The following NMNAT3 variants were observed in gnomAD, a reference collection of about 807,000 sequenced individuals.
NMNAT3 encodes nicotinamide nucleotide adenylyltransferase 3, also known as nicotinamide/nicotinic acid mononucleotide adenylyltransferase 3.
A neutral mutation model predicts 24.8 loss-of-function variants in NMNAT3; 21 were observed. That is an observed-to-expected ratio of 0.85 (90% CI 0.60 to 1.22). The LOEUF (loss-of-function observed/expected upper bound fraction) is 1.22. Among genes scored for constraint, NMNAT3 ranks in the 50% most tolerant of loss-of-function variants. The pLI, the probability that NMNAT3 is intolerant of heterozygous loss-of-function variation, is 0.00. For synonymous variants in NMNAT3, 136 were observed against 155.2 expected, an observed-to-expected ratio of 0.88 and a Z score of 0.92; for missense variants, 387 against 436.6, an observed-to-expected ratio of 0.89 and a Z score of 1.01.
intron 3 of NMNAT3, among the ~76,000 whole-genome samples, chr3:139,591,387 C>T (rs1461225557): frequency 1.3e-5 from 2 of 151,614 alleles, no homozygotes; most frequent in Non-Finnish European, 3.0e-5. Flanking sequence ...CAACGAGGCT[C>T]GGGAAGGGGC....
intron 1 of NMNAT3, among the ~76,000 whole-genome samples, 165 bp downstream of exon 1, chr3:139,677,540 G>C (rs2057971913): frequency 6.6e-6 from 1 of 152,208 alleles, no homozygotes; most frequent in South Asian, 2.1e-4. Context: ...GCGCGGAGCT[G>C]TCCCCCCGGT....
rs567554541 is a variant in NMNAT3 at position 139,646,086 on chromosome 3, G to T, written c.-140-8024C>A. ...AAAGCAACTTGCCTTTGGGATGTAG[G>T]TGGGGTGGGGGCAGTAGGGACAGAG... On this transcript the variant is annotated intron_variant, in intron 1 of 6. Transcript: ENST00000643695. Among the ~76,000 whole-genome samples, 129 of 152,256 alleles carry T rather than the reference G, an allele frequency of 8.5e-4. 2 individuals carry two copies. Among genetic ancestry groups the T allele is most frequent in the African/African-American group, 3.0e-3 (126 of 41,566 alleles).
chr3:139,617,806 C>T (rs977718259), intron 3 of NMNAT3, among the ~76,000 whole-genome samples: 2 of 152,138 alleles, frequency 1.3e-5, no homozygotes, highest in African/African-American at 4.8e-5. Flanking sequence ...CTTACTTACA[C>T]GTTGGGAAAA....
chr3:139,665,974 A>G lies in NMNAT3; in HGVS notation c.-141+11731T>C, dbSNP rs1456390730. On this transcript the variant is annotated intron_variant, in intron 1 of 6. Transcript: ENST00000643695. ...GAGAGGGAATATTTTCATTGAATATATTCATATTTATTTTTCTTAACTTTT... is the reference window on the plus strand; with the variant it reads ...GAGAGGGAATATTTTCATTGAATATGTTCATATTTATTTTTCTTAACTTTT... Among the ~76,000 whole-genome samples the G allele has an allele frequency of 7.9e-5, 12 of 152,328 alleles. No individual in the cohort carries two copies. The East Asian group carries it at 2.1e-3, about 27-fold the overall frequency.
rs1559841658 is a variant in NMNAT3 at position 139,561,053 on chromosome 3, C to T, written c.998G>A (p.Trp333Ter). ...AGTGCTCTGGGTGCTTTTGCCTTTC[C>T]AGGTACTGCCCTTGGTGTAGAGGCC... is the stretch of plus-strand genomic sequence containing the variant. Residue 333 changes from tryptophan (W) to a stop codon, truncating the protein, a stop_gained, in exon 7 of 7, where the codon TGG (tryptophan) becomes TAG (stop). Coordinates refer to ENST00000643695, the MANE Select transcript of NMNAT3 (RefSeq NM_001320510.2). LOFTEE classifies it low-confidence loss of function (END_TRUNC). The T allele has an allele frequency of 6.2e-7, 1 of 1,613,866 alleles. No individual in the cohort carries two copies. The highest frequency in any genetic ancestry group is 8.5e-7 in the Non-Finnish European group (1 of 1,179,994).
At chr3:139,580,259 A>T (rs146107342) in intron 4 of NMNAT3, among the ~76,000 whole-genome samples, 1 of 145,604 alleles carries the variant, frequency 6.9e-6, no homozygotes, top group East Asian at 1.9e-4. Flanking sequence ...AGTAGCTGAG[A>T]CTACAGGCAT....
chr3:139,641,775 T>C (rs2056711922), intron 1 of NMNAT3, among the ~76,000 whole-genome samples: 2 of 152,234 alleles, frequency 1.3e-5, no homozygotes, highest in South Asian at 4.1e-4. Context: ...GAGCAGATGT[T>C]CCAGAGCAAG....
At chr3:139,562,865 C>CATA (rs1936617663) in intron 6 of NMNAT3, among the ~76,000 whole-genome samples, 1 of 152,156 alleles carries the variant, frequency 6.6e-6, no homozygotes, top group South Asian at 2.1e-4. Flanking sequence ...GCTCTAGCGG[C>CATA]ATAATACTGG....
At chr3:139,620,766 C>A (rs563554296) in intron 3 of NMNAT3, among the ~76,000 whole-genome samples, 1 of 151,926 alleles carries the variant, frequency 6.6e-6, no homozygotes, top group South Asian at 2.1e-4. Context: ...CTGATATCAC[C>A]GTCTTATAAC....
At chr3:139,655,202 G>C (rs966719703) in intron 1 of NMNAT3, among the ~76,000 whole-genome samples, 3 of 152,220 alleles carry the variant, frequency 2.0e-5, no homozygotes, top group African/African-American at 7.2e-5. Flanking sequence ...GTGCATGGGA[G>C]GCCTGCGCCA....
chr3:139,562,840 A>G (rs764218793), intron 6 of NMNAT3, among the ~76,000 whole-genome samples: 1 of 152,220 alleles, frequency 6.6e-6, no homozygotes, highest in Non-Finnish European at 1.5e-5. Context: ...AATCACAGAA[A>G]CACACTTTTC....
chr3:139,614,578 C>G (rs2055394264), intron 3 of NMNAT3, among the ~76,000 whole-genome samples: 1 of 152,216 alleles, frequency 6.6e-6, no homozygotes, highest in Non-Finnish European at 1.5e-5. Flanking sequence ...CAGAATGTCC[C>G]TCACTTTAGG....
intron 3 of NMNAT3, among the ~76,000 whole-genome samples, chr3:139,586,379 G>T (rs1023920810): frequency 1.3e-5 from 2 of 152,096 alleles, no homozygotes; most frequent in African/African-American, 4.8e-5. Context: ...CAAAATAAAA[G>T]TTTAAAAAAG....
At chr3:139,610,449 A>G (rs907537242) in intron 3 of NMNAT3, among the ~76,000 whole-genome samples, 3 of 152,258 alleles carry the variant, frequency 2.0e-5, no homozygotes, top group East Asian at 1.9e-4. Flanking sequence ...GATATGAAAA[A>G]AAATTATCTT....
At chr3:139,639,675 G>C (rs778759935) in intron 1 of NMNAT3, among the ~76,000 whole-genome samples, 5 of 152,194 alleles carry the variant, frequency 3.3e-5, no homozygotes, top group Non-Finnish European at 7.3e-5. Flanking sequence ...GCTGACATCT[G>C]GCTACTGCTG....
intron 1 of NMNAT3, among the ~76,000 whole-genome samples, chr3:139,657,354 G>C (rs1426563599): frequency 6.6e-6 from 1 of 152,248 alleles, no homozygotes; most frequent in African/African-American, 2.4e-5. Context: ...AGAGTAAATT[G>C]TTCTTCTTCC....
chr3:139,660,575 T>TG (rs1223113491), intron 1 of NMNAT3, among the ~76,000 whole-genome samples: 7 of 152,190 alleles, frequency 4.6e-5, no homozygotes, highest in Admixed American at 2.0e-4. Flanking sequence ...AGGAAAGAAA[T>TG]GGAGTTTTAT....
chr3:139,639,041 A>G (rs1369048198), intron 1 of NMNAT3, among the ~76,000 whole-genome samples: 1 of 152,138 alleles, frequency 6.6e-6, no homozygotes, highest in East Asian at 1.9e-4. Flanking sequence ...AAAGCTGTCA[A>G]TGCCTATTCC....
At chr3:139,596,169 C>T (rs1172954573) in intron 3 of NMNAT3, among the ~76,000 whole-genome samples, 2 of 152,086 alleles carry the variant, frequency 1.3e-5, no homozygotes, top group African/African-American at 2.4e-5. Context: ...TCTATCTGTC[C>T]CTTATGGGCT....
Sources: gnomAD v4.1 joint callset for allele counts (sites outside exome capture counted in the v4.1 genomes callset) on GRCh38, gnomAD v4.1.1 for gene constraint, MANE v1.5 for transcripts, NCBI Gene and HGNC (gene_info 2026-07-23, HGNC 2026-07-21) for gene names.